RET: variants seen among roughly 807,000 people sequenced by gnomAD.
The protein encoded by RET is ret proto-oncogene.
Under a neutral mutation model 118.3 loss-of-function variants are expected in RET, and 19 were observed. The ratio of observed to expected loss-of-function variants is 0.16; its 90% CI spans 0.11 to 0.24. The LOEUF (loss-of-function observed/expected upper bound fraction) is 0.24. Among genes scored for constraint, RET ranks in the 10% least tolerant of loss-of-function variants. RET has a pLI of 1.00. For synonymous variants in RET, 597 were observed against 644.1 expected (o/e 0.93, Z 1.11); for missense variants, 1,219 against 1,502.1 (o/e 0.81, Z 3.12).
At chr10:43,118,827 G>T (rs1216037725) in intron 13 of RET, among the ~76,000 whole-genome samples, 1 of 152,216 alleles carries the variant, frequency 6.6e-6, no homozygotes, top group Non-Finnish European at 1.5e-5. Flanking sequence ...CTGGGTACTA[G>T]GGTACCCTGG....
In RET at chr10:43,130,247, G is replaced by A. The variant is rs1340306491; in HGVS notation, c.*1978G>A. The A allele has an allele frequency of 2.3e-5, 9 of 384,488 alleles. No homozygotes were observed. The highest frequency in any genetic ancestry group is 4.1e-5 in the African/African-American group (2 of 48,558). 23.8% of individuals were successfully genotyped at this position (384,488 alleles called of 1,614,324 possible). ...AGTAATCTGTCAGTTATTAAAATTT[G>A]TAAAATCTATTTATGAAAGGTCATT... On this transcript the variant is annotated 3_prime_UTR_variant, in exon 20 of 20. Coordinates refer to ENST00000355710, the MANE Select transcript of RET (RefSeq NM_020975.6).
rs768196477 is a variant in RET at position 43,114,447 on chromosome 10, C to T, written c.1880-33C>T. 1.3e-5 allele frequency: 21 copies of T among 1,603,322 alleles called. No individual in the cohort carries two copies. Among genetic ancestry groups the T allele is most frequent in the East Asian group, 2.2e-5 (1 of 44,858 alleles). ...GTACCCAGTGGTGCCGAGCCTCTGG[C>T]GGTGCCAAGCCTCACACCACCCCCA... On this transcript the variant is annotated intron_variant, in intron 10 of 19. Transcript: ENST00000355710. The surrounding 1 kb of genome is among the most constrained non-coding windows in gnomAD (Gnocchi z 4.6).
At chr10:43,097,515 G>A (rs1332572829) in intron 1 of RET, among the ~76,000 whole-genome samples, 1 of 152,122 alleles carries the variant, frequency 6.6e-6, no homozygotes, top group African/African-American at 2.4e-5. Context: ...GGATAGCCCA[G>A]ACATAGGATG....
At chr10:43,080,445 T>C (rs1461042721) in intron 1 of RET, among the ~76,000 whole-genome samples, 1 of 152,256 alleles carries the variant, frequency 6.6e-6, no homozygotes, top group Non-Finnish European at 1.5e-5. Flanking sequence ...TCTTGGCCCA[T>C]TTCACAGGTG....
chr10:43,122,526 A>G lies in RET; in HGVS notation c.2801+510A>G, dbSNP rs188890849. Among the ~76,000 whole-genome samples the G allele has an allele frequency of 1.2e-4, 18 of 152,334 alleles. No individual in the cohort carries two copies. The East Asian group carries it at 3.5e-3, about 29-fold the overall frequency. On this transcript the variant is annotated intron_variant, in intron 16 of 19. Coordinates refer to ENST00000355710, the MANE Select transcript of RET (RefSeq NM_020975.6). ...CCAAAATCTCATTCTTCCAGGTCCA[A>G]TGACAAGAGCTGATCACTTTTAAAA...
In RET at chr10:43,114,868, GC is replaced by G. The variant is rs1222079250; in HGVS notation, c.2136+137del. On this transcript the variant is annotated intron_variant, in intron 11 of 19. Coordinates refer to ENST00000355710, the MANE Select transcript of RET (RefSeq NM_020975.6). This position sits in a 1 kb window ranked among gnomAD's most constrained non-coding sequence, Gnocchi z 4.6. ...GCTGGGCAGACGAGGCCTGTGTTCT[GC>G]CCCCATTTCCATAGGGCGCTGTGTG... The G allele has an allele frequency of 2.0e-6, 2 of 1,002,760 alleles. No individual in the cohort carries two copies. The highest frequency in any genetic ancestry group is 2.9e-6 in the Non-Finnish European group (2 of 699,336). The allele number at this position is 1,002,760 out of a possible 1,614,324, so 62.1% of individuals were successfully genotyped here. A position where few individuals can be genotyped will look rare whatever the true frequency, so the allele number is the denominator to read the frequency against.
intron 1 of RET, among the ~76,000 whole-genome samples, chr10:43,084,882 C>T (rs903150896): frequency 1.1e-4 from 17 of 152,292 alleles, no homozygotes; most frequent in Admixed American, 6.5e-5. Context: ...CCAGCAGACC[C>T]CCACCCCACT....
intron 1 of RET, among the ~76,000 whole-genome samples, chr10:43,079,487 A>G (rs890766890): frequency 6.6e-6 from 1 of 152,206 alleles, no homozygotes; most frequent in African/African-American, 2.4e-5. Flanking sequence ...CTGGCATTTC[A>G]TTGCTCAACA....
intron 4 of RET, 27 bp downstream of exon 4, chr10:43,105,220 A>C (rs966302423): frequency 6.2e-7 from 1 of 1,611,430 alleles, no homozygotes; most frequent in African/African-American, 1.3e-5. Flanking sequence ...GCTGTGGTCT[A>C]CCCAGTGTCT....
At position 43,077,080 on chromosome 10, in the gene RET, C is replaced by A. The variant is rs1273218320; in HGVS notation, c.-179C>A. On this transcript the variant is annotated 5_prime_UTR_variant, in exon 1 of 20. Coordinates refer to ENST00000355710, the MANE Select transcript of RET (RefSeq NM_020975.6). ...GCTTACCTCGCTTCAGTCCCGCGAC[C>A]GAAGCAGGGCGCGCAGCAGCGCTGA... 26 of 969,488 alleles carry A rather than the reference C, an allele frequency of 2.7e-5. No individual in the cohort carries two copies. Among genetic ancestry groups the A allele is most frequent in the Non-Finnish European group, 3.5e-5 (26 of 740,064 alleles). The allele number at this position is 969,488 out of a possible 1,614,324, so 60.1% of individuals were successfully genotyped here.
chr10:43,092,940 C>A (rs138536852), intron 1 of RET, among the ~76,000 whole-genome samples: 23 of 152,352 alleles, frequency 1.5e-4, no homozygotes, highest in Non-Finnish European at 3.2e-4. Flanking sequence ...TCCTCTTACT[C>A]CCTTCCCCTT....
intron 6 of RET, among the ~76,000 whole-genome samples, chr10:43,110,733 G>A (rs1366498730): frequency 6.6e-6 from 1 of 152,182 alleles, no homozygotes; most frequent in Non-Finnish European, 1.5e-5. Context: ...CTGACCAGGG[G>A]ACACCAGGGC....
In RET at chr10:43,129,617, G is replaced by A. The variant is rs149252070; in HGVS notation, c.*1348G>A. The stretch of plus-strand genomic sequence containing the variant: ...CACTGTAACTTCGCAGAAAAGAGTC[G>A]GATTACCAAAACACTGCCTGCTCTT... On this transcript the variant is annotated 3_prime_UTR_variant, in exon 20 of 20. Coordinates refer to ENST00000355710, the MANE Select transcript of RET (RefSeq NM_020975.6). 8.7e-4 allele frequency: 219 copies of A among 252,332 alleles called. 1 individual carries two copies. In the East Asian group the frequency reaches 9.3e-3, roughly 11 times the overall value. The allele number at this position is 252,332 out of a possible 1,614,324, so 15.6% of individuals were successfully genotyped here. A position where few individuals can be genotyped will look rare whatever the true frequency, so the allele number is the denominator to read the frequency against.
At chr10:43,077,407 G>A in intron 1 of RET, 76 bp downstream of exon 1, 10 of 1,451,308 alleles carry the variant, frequency 6.9e-6, no homozygotes, top group Non-Finnish European at 8.2e-6. Flanking sequence ...GGCGCGTTCA[G>A]AAGCGCCTTT....
rs779996040 is a variant in RET, at chr10:43,119,575, C to T, written c.2437C>T (p.Arg813Trp). Residue 813 changes from arginine to tryptophan, a missense_variant, in exon 14 of 20, where the codon CGG becomes TGG. Transcript: ENST00000355710. ...IVEYAKYGSL[R>W]GFLRESRKVG... ...GGAGTACGCCAAATACGGCTCCCTGCGGGGCTTCCTCCGCGAGAGCCGCAA... is the reference window on the plus strand; with the variant it reads ...GGAGTACGCCAAATACGGCTCCCTGTGGGGCTTCCTCCGCGAGAGCCGCAA... 2.5e-6 allele frequency: 4 copies of T among 1,610,414 alleles called. No homozygotes were observed. Among genetic ancestry groups the T allele is most frequent in the African/African-American group, 1.3e-5 (1 of 74,992 alleles).
intron 1 of RET, among the ~76,000 whole-genome samples, chr10:43,079,817 A>G (rs1397932893): frequency 6.6e-6 from 1 of 152,160 alleles, no homozygotes; most frequent in Non-Finnish European, 1.5e-5. Flanking sequence ...AGCACCAGGT[A>G]TCAGCGCGGG....
chr10:43,117,019 G>C (rs1403430133), intron 12 of RET, among the ~76,000 whole-genome samples: 4 of 152,238 alleles, frequency 2.6e-5, no homozygotes, highest in Non-Finnish European at 5.9e-5. Flanking sequence ...CTTCACTCCA[G>C]TCTGCCCCAT....
intron 7 of RET, 109 bp downstream of exon 7, chr10:43,111,574 G>C (rs906295291): frequency 7.7e-7 from 1 of 1,302,036 alleles, no homozygotes; most frequent in Non-Finnish European, 1.0e-6. Context: ...GCTGGGGAGT[G>C]GGGAAGGCAT....
rs750411593 is a variant in RET, at chr10:43,112,127, G to A, written c.1551G>A (p.Leu517=). The change falls in exon 8 of 20, where the codon CTG becomes CTA. Residue 517 remains leucine, a synonymous_variant. Coordinates refer to ENST00000355710, the MANE Select transcript of RET (RefSeq NM_020975.6). ...TGGCCGAGGAGGCGGGCTGCCCCCTGTCCTGTGCAGTCAGCAAGAGACGGC... is the reference window on the plus strand; with the variant it reads ...TGGCCGAGGAGGCGGGCTGCCCCCTATCCTGTGCAGTCAGCAAGAGACGGC... ...SYVAEEAGCP[L]SCAVSKRRLE... 6.2e-7 allele frequency: 1 copy of A among 1,600,876 alleles called. No individual in the cohort carries two copies. The highest frequency in any genetic ancestry group is 1.3e-5 in the African/African-American group (1 of 74,840).
Sources: allele counts gnomAD v4.1 joint callset (sites outside exome capture counted in the v4.1 genomes callset), GRCh38; gene constraint gnomAD v4.1.1; non-coding constraint Gnocchi (gnomAD v3.1); transcripts MANE v1.5; gene names NCBI Gene and HGNC (gene_info 2026-07-23, HGNC 2026-07-21).